The following GPR35 variants were observed in gnomAD, a reference collection of about 807,000 sequenced individuals.
GPR35 encodes G protein-coupled receptor 35.
For synonymous variants in GPR35, 207 were observed against 198.4 expected (o/e 1.04, Z -0.36); for missense variants, 372 against 422.5 (o/e 0.88, Z 1.05).
upstream of GPR35, among the ~76,000 whole-genome samples, chr2:240,624,788 C>T (rs1257619490): frequency 1.3e-5 from 2 of 151,690 alleles, no homozygotes; most frequent in African/African-American, 2.4e-5. Context: ...ACCATGAGCT[C>T]AGAAGGAAGA....
chr2:240,630,479 C>T lies in GPR35; in HGVS notation c.527C>T (p.Pro176Leu), dbSNP rs781138951. 60 of 1,612,816 alleles carry T rather than the reference C, an allele frequency of 3.7e-5. No homozygotes were observed. The highest frequency in any genetic ancestry group is 1.9e-5 in the Non-Finnish European group (23 of 1,179,978). The part of the protein sequence containing the change: ...TRHNFNSMAF[P>L]LLGFYLPLAV... Reference sequence around the variant, plus strand: ...CACAATTTCAACTCCATGGCGTTCCCGCTGCTGGGATTCTACCTGCCCCTG... The same window carrying T: ...CACAATTTCAACTCCATGGCGTTCCTGCTGCTGGGATTCTACCTGCCCCTG... Residue 176 changes from proline to leucine, a missense_variant, in exon 2 of 2, where the codon CCG (proline) becomes CTG (leucine). Physicochemically the swap from Pro to Leu is moderately conservative, Grantham distance 98. Coordinates refer to ENST00000407714, the MANE Select transcript of GPR35 (RefSeq NM_005301.5).
upstream of GPR35, among the ~76,000 whole-genome samples, chr2:240,623,925 G>A (rs1414227543): frequency 1.3e-5 from 2 of 152,094 alleles, no homozygotes; most frequent in Non-Finnish European, 2.9e-5. Flanking sequence ...CAGGCCTGGT[G>A]GGGACGGGGT....
chr2:240,618,787 T>A (rs1390219687), intron 4 of GPR35: 2 of 493,012 alleles, frequency 4.1e-6, no homozygotes, highest in Admixed American at 3.8e-5. Context: ...AACACATCAA[T>A]TGTCTATATG....
At chr2:240,617,954 C>G (rs563966630) in intron 4 of GPR35, among the ~76,000 whole-genome samples, 3 of 152,198 alleles carry the variant, frequency 2.0e-5, no homozygotes, top group African/African-American at 7.2e-5. Context: ...TCTCCAAGAG[C>G]CCCTCTTCCT....
At chr2:240,624,516 T>C (rs933346908), upstream of GPR35, among the ~76,000 whole-genome samples, 39 of 152,214 alleles carry the variant, frequency 2.6e-4, no homozygotes, top group Non-Finnish European at 5.6e-4. Context: ...GCCCAGGCAC[T>C]GGTCTCAGAC....
chr2:240,615,986 G>A (rs999663295), intron 2 of GPR35, among the ~76,000 whole-genome samples: 2 of 152,310 alleles, frequency 1.3e-5, no homozygotes, highest in East Asian at 3.9e-4. Context: ...AGGCCCAACC[G>A]CAGTTGTTGC....
upstream of GPR35, among the ~76,000 whole-genome samples, chr2:240,622,027 C>G (rs540746215): frequency 1.3e-5 from 2 of 150,546 alleles, no homozygotes; most frequent in African/African-American, 4.9e-5. Flanking sequence ...CATGCACCCC[C>G]ATGCGTGGCT....
intron 2 of GPR35, among the ~76,000 whole-genome samples, chr2:240,610,353 G>T (rs993972520): frequency 6.6e-6 from 1 of 152,042 alleles, no homozygotes; most frequent in African/African-American, 2.4e-5. Flanking sequence ...ATTAATGCTT[G>T]CATTTTATAA....
chr2:240,617,440 A>G (rs1459385333), intron 4 of GPR35: 2 of 578,674 alleles, frequency 3.5e-6, no homozygotes, highest in African/African-American at 3.7e-5. Flanking sequence ...CACAGCTAAA[A>G]TAATAGATAA....
At chr2:240,610,116 C>T (rs1013475789) in intron 2 of GPR35, among the ~76,000 whole-genome samples, 1 of 152,014 alleles carries the variant, frequency 6.6e-6, no homozygotes, top group Non-Finnish European at 1.5e-5. Context: ...CCCACCACTG[C>T]GCCTGGCTAA....
chr2:240,612,433 A>T (rs1332847010), intron 2 of GPR35, among the ~76,000 whole-genome samples: 5 of 151,394 alleles, frequency 3.3e-5, no homozygotes, highest in African/African-American at 4.8e-5. Context: ...TCTCAAAAAA[A>T]AAAAAAAAAA....
chr2:240,612,701 C>T (rs530475486), intron 2 of GPR35, among the ~76,000 whole-genome samples: 4 of 152,330 alleles, frequency 2.6e-5, no homozygotes, highest in East Asian at 1.9e-4. Flanking sequence ...GAGCCGCACA[C>T]GGCTCTTCAG....
rs1481235418 is a variant in GPR35, at chr2:240,630,858, C to G, written c.906C>G (p.Asp302Glu). 6.2e-7 allele frequency: 1 copy of G among 1,612,878 alleles called. No individual in the cohort carries two copies. Residue 302 changes from aspartate (D) to glutamate (E), a missense_variant, in exon 2 of 2, where the codon GAC becomes GAG. Asp to Glu is a conservative substitution (Grantham distance 45). Coordinates refer to ENST00000407714, the MANE Select transcript of GPR35 (RefSeq NM_005301.5). ...APSAKAHKSQ[D>E]SLCVTLA ...GTGCTAAGGCCCACAAAAGCCAGGA[C>G]TCTCTGTGCGTGACCCTCGCCTAAG...
At chr2:240,612,578 G>T (rs2043193948) in intron 2 of GPR35, among the ~76,000 whole-genome samples, 1 of 152,186 alleles carries the variant, frequency 6.6e-6, no homozygotes, top group South Asian at 2.1e-4. Flanking sequence ...AGAGGTTCTG[G>T]TGGGCTGACC....
At chr2:240,623,104 C>T (rs994990913), upstream of GPR35, among the ~76,000 whole-genome samples, 17 of 152,332 alleles carry the variant, frequency 1.1e-4, no homozygotes, top group South Asian at 4.1e-4. Context: ...GATATGTCCC[C>T]GGCACTCGCA....
intron 2 of GPR35, among the ~76,000 whole-genome samples, chr2:240,614,863 A>G (rs371275271): frequency 6.6e-6 from 1 of 151,482 alleles, no homozygotes; most frequent in Admixed American, 6.6e-5. Flanking sequence ...CTATGTATGT[A>G]TATGTAGTAT....
At chr2:240,611,639 T>G (rs2043183025) in intron 2 of GPR35, among the ~76,000 whole-genome samples, 1 of 152,142 alleles carries the variant, frequency 6.6e-6, no homozygotes, top group African/African-American at 2.4e-5. Context: ...ATGGAGACTT[T>G]GAAGGAAGAT....
Position 240,630,730 on chromosome 2 carries a change from A to T in GPR35, c.778A>T (p.Ile260Leu). The change falls in exon 2 of 2, where the codon ATA becomes TTA. Residue 260 changes from isoleucine to leucine, a missense_variant. By Grantham distance (5) the Ile-to-Leu change is conservative (BLOSUM62 2). Coordinates refer to ENST00000407714, the MANE Select transcript of GPR35 (RefSeq NM_005301.5). ...GGAGACGATCCGTCGCGCCCTGTACATAACCAGCAAGCTCTCAGATGCCAA... is the reference window on the plus strand; with the variant it reads ...GGAGACGATCCGTCGCGCCCTGTACTTAACCAGCAAGCTCTCAGATGCCAA... Reference protein sequence around the residue: ...LLETIRRALYITSKLSDANCC... With the variant: ...LLETIRRALYLTSKLSDANCC... 1 of 1,613,534 alleles carries T rather than the reference A, an allele frequency of 6.2e-7. No homozygotes were observed.
At chr2:240,616,653 C>T (rs1356945629) in intron 3 of GPR35, 1 of 670,372 alleles carries the variant, frequency 1.5e-6, no homozygotes, top group Admixed American at 2.2e-5. Flanking sequence ...GCCAAGAGAC[C>T]CCCCAGTGGG....
Sources: gnomAD v4.1 joint callset for allele counts (sites outside exome capture counted in the v4.1 genomes callset) on GRCh38, gnomAD v4.1.1 for gene constraint, MANE v1.5 for transcripts, NCBI Gene and HGNC (gene_info 2026-07-23, HGNC 2026-07-21) for gene names.